MED12L: variants seen among roughly 807,000 people sequenced by gnomAD.
MED12L encodes mediator of RNA polymerase II transcription subunit 12-like protein.
In MED12L, 60 loss-of-function variants were observed where a neutral mutation model predicts 281.3. That is an observed-to-expected ratio of 0.21 (90% confidence interval 0.17 to 0.26). The LOEUF (loss-of-function observed/expected upper bound fraction) is 0.26, where lower values mean the gene tolerates loss of function less well. Ranked by LOEUF, MED12L falls within the 10% of genes least tolerant of loss-of-function variation. The pLI is 1.00. For synonymous variants in MED12L, 974 were observed against 987.2 expected (o/e 0.99, Z 0.25); for missense variants, 2,146 against 2,680.9 (o/e 0.80, Z 4.41).
chr3:151,376,032 G>A lies in MED12L; in HGVS notation c.3871G>A (p.Val1291Ile). 2 of 1,576,894 alleles carry A rather than the reference G, an allele frequency of 1.3e-6. No homozygotes were observed. Among genetic ancestry groups the A allele is most frequent in the Admixed American group, 1.8e-5 (1 of 54,284 alleles). Residue 1291 changes from valine (V) to isoleucine (I), a missense_variant, in exon 28 of 45, where the codon GTA (valine) becomes ATA (isoleucine). By Grantham distance (29) the Val-to-Ile change is conservative. Coordinates refer to ENST00000687756, the MANE Select transcript of MED12L (RefSeq NM_001393769.1). Reference sequence around the variant, plus strand: ...ATTGCCATATTATTTTTAGGAATGGGTAGGAGAGCATTGCTTAAAAGAACC... The same window carrying A: ...ATTGCCATATTATTTTTAGGAATGGATAGGAGAGCATTGCTTAAAAGAACC... ...VLRTICQQEW[V>I]GEHCLKEPER...
At chr3:151,143,569 A>C (rs947748531) in intron 5 of MED12L, among the ~76,000 whole-genome samples, 4 of 152,210 alleles carry the variant, frequency 2.6e-5, no homozygotes, top group Non-Finnish European at 5.9e-5. Context: ...GGCTAGCAGC[A>C]AGTATCTTTC....
In MED12L at chr3:151,434,138, T is replaced by A. The variant is rs1177103981; in HGVS notation, c.*1334T>A. 1 of 152,314 alleles carries A rather than the reference T, an allele frequency of 6.6e-6. No individual in the cohort carries two copies. Among genetic ancestry groups the A allele is most frequent in the Non-Finnish European group, 1.5e-5 (1 of 68,044 alleles). The allele number at this position is 152,314 out of a possible 1,614,324, so 9.4% of individuals were successfully genotyped here. A position where few individuals can be genotyped will look rare whatever the true frequency, so the allele number is the denominator to read the frequency against. ...TTCCCATGTTCTCTGTTATTTCATT[T>A]TCTTTTGCCATATGATTTTACATAT... is the stretch of plus-strand genomic sequence containing the variant. On this transcript the variant is annotated 3_prime_UTR_variant, in exon 45 of 45. Coordinates refer to ENST00000687756, the MANE Select transcript of MED12L (RefSeq NM_001393769.1).
intron 2 of MED12L, among the ~76,000 whole-genome samples, chr3:151,099,808 T>C (rs1721180253): frequency 6.6e-6 from 1 of 152,148 alleles, no homozygotes; most frequent in Admixed American, 6.5e-5. Context: ...ATGAGTTCAT[T>C]TCTGAATGCT....
intron 16 of MED12L, among the ~76,000 whole-genome samples, chr3:151,216,659 A>G (rs183745093): frequency 1.1e-4 from 16 of 152,184 alleles, no homozygotes; most frequent in African/African-American, 3.9e-4. Context: ...CACTAGCACT[A>G]TTCTTCCTCT....
At chr3:151,103,075 A>G (rs1436183926) in intron 2 of MED12L, among the ~76,000 whole-genome samples, 1 of 152,248 alleles carries the variant, frequency 6.6e-6, no homozygotes, top group Non-Finnish European at 1.5e-5. Context: ...TTGCAATGCA[A>G]GAACTATATG....
chr3:151,131,466 G>A (rs1477685475), intron 5 of MED12L, among the ~76,000 whole-genome samples: 1 of 151,848 alleles, frequency 6.6e-6, no homozygotes, highest in Non-Finnish European at 1.5e-5. Flanking sequence ...AATTAGTAAG[G>A]TGTGGTGGTG....
intron 32 of MED12L, among the ~76,000 whole-genome samples, chr3:151,382,080 A>G (rs1296679936): frequency 2.0e-5 from 3 of 152,010 alleles, no homozygotes; most frequent in Non-Finnish European, 4.4e-5. Context: ...CTTTTCCAGC[A>G]TTAGTGTGAG....
chr3:151,213,278 T>G lies in MED12L; in HGVS notation c.2250+19612T>G, dbSNP rs1172971384. The G allele has an allele frequency of 9.0e-6, 14 of 1,556,210 alleles. No homozygotes were observed. The African/African-American group carries it at 1.2e-4, about 14-fold the overall frequency. On this transcript the variant is annotated intron_variant, in intron 16 of 44. Transcript: ENST00000687756. The stretch of plus-strand genomic sequence containing the variant: ...AGATGACAACATGCACACGTGGTCT[T>G]TCTTTGGAAGAGGGTAGGAACTCAC...
chr3:151,378,413 C>A (rs1313266245), intron 31 of MED12L, among the ~76,000 whole-genome samples: 1 of 152,190 alleles, frequency 6.6e-6, no homozygotes, highest in African/African-American at 2.4e-5. Context: ...CTGTTAAAAA[C>A]AGTGATTTCC....
At chr3:151,384,508 A>AG (rs746065497) in intron 35 of MED12L, among the ~76,000 whole-genome samples, 1 of 152,232 alleles carries the variant, frequency 6.6e-6, no homozygotes, top group Non-Finnish European at 1.5e-5. Context: ...AGATAGATTT[A>AG]GGATAACTCT....
At chr3:151,349,417 C>T (rs928058196) in intron 16 of MED12L, among the ~76,000 whole-genome samples, 1 of 152,140 alleles carries the variant, frequency 6.6e-6, no homozygotes, top group African/African-American at 2.4e-5. Flanking sequence ...AATAAATATA[C>T]ATGTATCTCA....
At chr3:151,271,913 T>TA (rs1559965997) in intron 16 of MED12L, among the ~76,000 whole-genome samples, 3 of 152,172 alleles carry the variant, frequency 2.0e-5, no homozygotes. Context: ...CTATTTATCT[T>TA]AATTGGGGTG....
intron 7 of MED12L, 39 bp downstream of exon 7, chr3:151,158,838 G>A (rs373701417): frequency 7.6e-7 from 1 of 1,307,536 alleles, no homozygotes; most frequent in Non-Finnish European, 1.1e-6. Context: ...GGTTTTATGG[G>A]CAAGAAATGA....
chr3:151,264,124 A>G (rs1739406120), intron 16 of MED12L, among the ~76,000 whole-genome samples: 1 of 152,164 alleles, frequency 6.6e-6, no homozygotes, highest in Admixed American at 6.6e-5. Context: ...CTGTTACTGG[A>G]CATTTGGGTT....
chr3:151,330,317 C>T (rs1323258079), intron 16 of MED12L, among the ~76,000 whole-genome samples: 1 of 152,172 alleles, frequency 6.6e-6, no homozygotes, highest in African/African-American at 2.4e-5. Context: ...TACTCTTTCA[C>T]TTAGTAGAGG....
intron 3 of MED12L, among the ~76,000 whole-genome samples, chr3:151,120,141 G>A (rs948041765): frequency 1.3e-5 from 2 of 151,248 alleles, no homozygotes; most frequent in African/African-American, 4.9e-5. Context: ...CAGGAGAATC[G>A]CTTGATCCCA....
chr3:151,171,815 G>T (rs1560117925), intron 11 of MED12L, among the ~76,000 whole-genome samples: 1 of 152,192 alleles, frequency 6.6e-6, no homozygotes, highest in South Asian at 2.1e-4. Flanking sequence ...ACAAAAGCTC[G>T]CTTTCTGTCA....
chr3:151,163,378 T>G (rs988072187), intron 8 of MED12L, among the ~76,000 whole-genome samples: 5 of 152,254 alleles, frequency 3.3e-5, no homozygotes, highest in Admixed American at 6.5e-5. Flanking sequence ...CTGCAAAGCT[T>G]AAAACATTTA....
intron 15 of MED12L, 70 bp downstream of exon 15, chr3:151,192,724 C>A (rs1200399216): frequency 4.4e-5 from 41 of 923,034 alleles, no homozygotes; most frequent in Non-Finnish European, 7.0e-5. Flanking sequence ...TGTCTCGATC[C>A]TTCTGTGTTC....
Sources: allele counts gnomAD v4.1 joint callset (sites outside exome capture counted in the v4.1 genomes callset), GRCh38; gene constraint gnomAD v4.1.1; transcripts MANE v1.5; gene names NCBI Gene and HGNC (gene_info 2026-07-23, HGNC 2026-07-21).